Variants in CACHD1 observed in about 807,000 individuals in gnomAD.
CACHD1 encodes the protein VWFA and cache domain-containing protein 1.
Under a neutral mutation model 138.7 loss-of-function variants are expected in CACHD1, and 71 were observed. The observed-to-expected ratio is 0.51, with a 90% CI of 0.42 to 0.62. The LOEUF (loss-of-function observed/expected upper bound fraction) is 0.62, where lower values mean the gene tolerates loss of function less well. Among genes scored for constraint, CACHD1 ranks in the 20% least tolerant of loss-of-function variants. The pLI, the probability that CACHD1 is intolerant of heterozygous loss-of-function variation, is 0.00. For synonymous variants in CACHD1, 578 were observed against 591.5 expected (o/e 0.98, Z 0.33); for missense variants, 1,389 against 1,625.3 (o/e 0.85, Z 2.50).
At chr1:64,532,351 C>T (rs1291733446) in intron 1 of CACHD1, among the ~76,000 whole-genome samples, 3 of 152,174 alleles carry the variant, frequency 2.0e-5, no homozygotes, top group Non-Finnish European at 2.9e-5. Flanking sequence ...ACAAAAAGCC[C>T]TCGTGCTCAT....
chr1:64,573,166 G>C (rs1478276952), intron 2 of CACHD1, among the ~76,000 whole-genome samples: 1 of 152,142 alleles, frequency 6.6e-6, no homozygotes, highest in Non-Finnish European at 1.5e-5. Flanking sequence ...TTTGGAGGTG[G>C]GGCCTTTGGG....
intron 3 of CACHD1, among the ~76,000 whole-genome samples, chr1:64,594,578 A>G (rs1229929735): frequency 6.6e-6 from 1 of 152,186 alleles, no homozygotes; most frequent in East Asian, 1.9e-4. Context: ...TATAGCAGAA[A>G]GCGCCTGCAT....
In CACHD1 at chr1:64,597,526, T is replaced by TG. The variant is rs1438811776; in HGVS notation, c.411-5280_411-5279insG. Among the ~76,000 whole-genome samples, 120 of 18,774 alleles carry TG rather than the reference T, an allele frequency of 6.4e-3. 2 individuals are homozygous for TG. The highest frequency in any genetic ancestry group is 0.014 in the South Asian group (4 of 288). 12.3% of individuals were successfully genotyped at this position (18,774 alleles called of 152,430 possible). On this transcript the variant is annotated intron_variant, in intron 3 of 26. Coordinates refer to ENST00000651257, the MANE Select transcript of CACHD1 (RefSeq NM_020925.4). The stretch of plus-strand genomic sequence containing the variant: ...CAGAAGGAAGTTTTTTTTTTGTTGT[T>TG]TTTTTTTTTTTTTTTTTTTTTTTTA...
chr1:64,578,191 A>G (rs909366855), intron 2 of CACHD1, among the ~76,000 whole-genome samples: 3 of 152,346 alleles, frequency 2.0e-5, no homozygotes, highest in Middle Eastern at 3.4e-3. Flanking sequence ...GCATGAGCAC[A>G]CAGACTTTGA....
At chr1:64,486,689 G>C (rs1017640036) in intron 1 of CACHD1, among the ~76,000 whole-genome samples, 1 of 151,640 alleles carries the variant, frequency 6.6e-6, no homozygotes. Flanking sequence ...TAGAATCTTG[G>C]GTTTAGTTAG....
intron 4 of CACHD1, among the ~76,000 whole-genome samples, chr1:64,603,201 T>C (rs549974904): frequency 2.0e-5 from 3 of 148,722 alleles, no homozygotes; most frequent in Non-Finnish European, 4.4e-5. Flanking sequence ...GCCTCCCGGG[T>C]TCACACCATT....
At chr1:64,605,461 TA>T (rs1208322686) in intron 4 of CACHD1, among the ~76,000 whole-genome samples, 1 of 152,038 alleles carries the variant, frequency 6.6e-6, no homozygotes, top group Non-Finnish European at 1.5e-5. Context: ...AGGGAAAAAA[TA>T]AAAAAAGAAG....
intron 3 of CACHD1, among the ~76,000 whole-genome samples, chr1:64,595,389 A>C (rs1208824538): frequency 1.3e-5 from 2 of 152,058 alleles, no homozygotes; most frequent in Non-Finnish European, 2.9e-5. Flanking sequence ...ATAAGAAAAG[A>C]CCTCTCCCTT....
chr1:64,520,507 A>G (rs1646490633), intron 1 of CACHD1, among the ~76,000 whole-genome samples: 1 of 152,168 alleles, frequency 6.6e-6, no homozygotes, highest in Non-Finnish European at 1.5e-5. Context: ...TCCTGAATAT[A>G]ATGCCAACCA....
chr1:64,538,891 C>T (rs1165614862), intron 1 of CACHD1, among the ~76,000 whole-genome samples: 3 of 152,178 alleles, frequency 2.0e-5, no homozygotes, highest in African/African-American at 7.2e-5. Flanking sequence ...TTTTAAACCC[C>T]AACAGTTGTT....
intron 1 of CACHD1, among the ~76,000 whole-genome samples, chr1:64,516,958 C>T (rs1263213553): frequency 1.3e-5 from 2 of 152,190 alleles, no homozygotes; most frequent in African/African-American, 2.4e-5. Context: ...ATTCTGACTT[C>T]TCCACTTACT....
intron 4 of CACHD1, among the ~76,000 whole-genome samples, chr1:64,626,160 T>C (rs940258528): frequency 6.6e-6 from 1 of 152,268 alleles, no homozygotes; most frequent in Non-Finnish European, 1.5e-5. Flanking sequence ...TGAGGTTTAT[T>C]GACCAATGTC....
Position 64,675,461 on chromosome 1 carries a change from C to T in CACHD1, c.2788C>T (p.Pro930Ser). Residue 930 changes from proline to serine, a missense_variant, in exon 20 of 27, where the codon CCA becomes TCA. By Grantham distance (74) the Pro-to-Ser change is moderately conservative (BLOSUM62 -1). Transcript: ENST00000651257. ...TTCCAAATACAGATTAGCAAGGATCCCAGGAACCAACGCGTTTGTTGGCAT... is the reference window on the plus strand; with the variant it reads ...TTCCAAATACAGATTAGCAAGGATCTCAGGAACCAACGCGTTTGTTGGCAT... ...HCSKYRLARI[P>S]GTNAFVGIVN... is the part of the protein sequence containing the mutation. 1.2e-6 allele frequency: 2 copies of T among 1,613,596 alleles called. No individual in the cohort carries two copies. Among genetic ancestry groups the T allele is most frequent in the South Asian group, 2.2e-5 (2 of 91,056 alleles).
At chr1:64,508,712 T>G in intron 1 of CACHD1, among the ~76,000 whole-genome samples, 1 of 152,230 alleles carries the variant, frequency 6.6e-6, no homozygotes. Flanking sequence ...GAGGGCTAAG[T>G]AAGATAGAGA....
At chr1:64,627,241 T>C (rs1570430108) in intron 4 of CACHD1, among the ~76,000 whole-genome samples, 2 of 151,992 alleles carry the variant, frequency 1.3e-5, no homozygotes, top group African/African-American at 4.8e-5. Context: ...ACCCTGTCTC[T>C]ACAAAAATAA....
intron 1 of CACHD1, among the ~76,000 whole-genome samples, chr1:64,472,172 TCTTA>T (rs768682446): frequency 1.8e-5 from 2 of 113,474 alleles, no homozygotes; most frequent in Non-Finnish European, 3.7e-5. Context: ...GATTTAGGTT[TCTTA>T]CTTCTTTCTT....
chr1:64,509,526 G>A (rs910263853), intron 1 of CACHD1, among the ~76,000 whole-genome samples: 2 of 152,116 alleles, frequency 1.3e-5, no homozygotes, highest in African/African-American at 4.8e-5. Context: ...ATGGTAGGAA[G>A]GAAAAGGATC....
intron 12 of CACHD1, among the ~76,000 whole-genome samples, chr1:64,658,047 A>G (rs897816571): frequency 5.3e-5 from 8 of 152,252 alleles, no homozygotes; most frequent in African/African-American, 1.7e-4. Flanking sequence ...TATGAGCTTA[A>G]TAAGTTAGAC....
chr1:64,586,924 G>A (rs1029447099), intron 3 of CACHD1, among the ~76,000 whole-genome samples: 1 of 152,162 alleles, frequency 6.6e-6, no homozygotes, highest in African/African-American at 2.4e-5. Flanking sequence ...AGATATTGTA[G>A]TTCTATGAGG....
Sources: gnomAD v4.1 joint callset for allele counts (sites outside exome capture counted in the v4.1 genomes callset) on GRCh38, gnomAD v4.1.1 for gene constraint, MANE v1.5 for transcripts, NCBI Gene and HGNC (gene_info 2026-07-23, HGNC 2026-07-21) for gene names.